LAMA1: variants seen among roughly 807,000 people sequenced by gnomAD.
LAMA1 encodes laminin subunit alpha 1.
In LAMA1, 219 loss-of-function variants were observed where a neutral mutation model predicts 348.7. The ratio of observed to expected loss-of-function variants is 0.63; its 90% CI spans 0.56 to 0.70. The LOEUF is 0.70. Ranked by LOEUF, LAMA1 falls within the 30% of genes least tolerant of loss-of-function variation. The pLI is 0.00. For missense variants in LAMA1, 3,744 were observed against 3,888.0 expected, an observed-to-expected ratio of 0.96 and a Z score of 0.99; for synonymous variants, 1,487 against 1,491.0, an observed-to-expected ratio of 1.00 and a Z score of 0.06.
intron 1 of LAMA1, among the ~76,000 whole-genome samples, chr18:7,112,887 G>A (rs1000498391): frequency 5.3e-5 from 8 of 152,062 alleles, no homozygotes; most frequent in South Asian, 4.2e-4. Flanking sequence ...CACCTGCCTC[G>A]GCCTCCCAAA....
chr18:7,063,600 G>A (rs977107975), intron 3 of LAMA1, among the ~76,000 whole-genome samples: 5 of 152,120 alleles, frequency 3.3e-5, no homozygotes, highest in Non-Finnish European at 7.3e-5. Context: ...AAACAGCCCA[G>A]GTACCCGTTG....
chr18:7,099,166 AC>A (rs546829738), intron 1 of LAMA1, among the ~76,000 whole-genome samples: 1 of 150,482 alleles, frequency 6.6e-6, no homozygotes. Flanking sequence ...CTGTGACCTT[AC>A]CCCCAACCCT....
In LAMA1 at chr18:7,079,972, T is replaced by C; in HGVS notation, c.345+3A>G. Reference sequence around the variant, plus strand: ...ACTCTTCAATGGTTCTGGGCTCACCTACCTGTCTTAAGTCCAGAGTGATTG... The same window carrying C: ...ACTCTTCAATGGTTCTGGGCTCACCCACCTGTCTTAAGTCCAGAGTGATTG... On this transcript the variant is annotated splice_donor_region_variant and intron_variant, in intron 3 of 62. Coordinates refer to ENST00000389658, the MANE Select transcript of LAMA1 (RefSeq NM_005559.4). 6.2e-7 allele frequency: 1 copy of C among 1,605,592 alleles called. No homozygotes were observed. Among genetic ancestry groups the C allele is most frequent in the Non-Finnish European group, 8.5e-7 (1 of 1,172,190 alleles).
chr18:7,113,606 A>G (rs980715552), intron 1 of LAMA1, among the ~76,000 whole-genome samples: 1 of 152,162 alleles, frequency 6.6e-6, no homozygotes, highest in African/African-American at 2.4e-5. Flanking sequence ...TTTAAACAAG[A>G]GTAGGAGCGG....
chr18:7,010,306 G>T lies in LAMA1; in HGVS notation c.3767C>A (p.Pro1256His), dbSNP rs768986205. 5 of 1,614,044 alleles carry T rather than the reference G, an allele frequency of 3.1e-6. No individual in the cohort carries two copies. The African/African-American group carries it at 6.7e-5, about 22-fold the overall frequency. Residue 1256 changes from proline (P) to histidine (H), a missense_variant, in exon 26 of 63, where the codon CCT becomes CAT. This residue lies in a region of LAMA1 where 1,529 missense variants were observed against 1,689.4 expected (regional missense o/e 0.91). Transcript: ENST00000389658. ...CCGACCACCTTTGATGAGAACTTGA[G>T]GCTCAAAATTGGAGGTGCCGACGCC... ...LDGVGTSNFE[P>H]QVLIKGGRIR...
chr18:6,953,473 T>C (rs1173753534), intron 57 of LAMA1, among the ~76,000 whole-genome samples: 2 of 152,212 alleles, frequency 1.3e-5, no homozygotes, highest in Admixed American at 1.3e-4. Context: ...ACAGTGTATA[T>C]GACGTTTAGG....
At chr18:6,953,277 G>A (rs1025606506) in intron 57 of LAMA1, among the ~76,000 whole-genome samples, 5 of 152,272 alleles carry the variant, frequency 3.3e-5, no homozygotes, top group African/African-American at 7.2e-5. Context: ...TTCGCAGATC[G>A]ACTGTGGCAG....
At chr18:6,948,109 A>T (rs191277992) in intron 60 of LAMA1, among the ~76,000 whole-genome samples, 1 of 152,376 alleles carries the variant, frequency 6.6e-6, no homozygotes, top group Admixed American at 6.5e-5. Flanking sequence ...TAACTTGGAC[A>T]GTAAGTGTGC....
rs1131691789 is a variant in LAMA1 at position 6,977,772 on chromosome 18, TG to T, written c.6299del (p.Ser2100Ter). 1.2e-6 allele frequency: 2 copies of T among 1,614,086 alleles called. No individual in the cohort carries two copies. The highest frequency in any genetic ancestry group is 1.7e-6 in the Non-Finnish European group (2 of 1,180,058). ...MLEENLSRNL[S>X]EIKLLISQAR... ...CCTGGCTGATCAACAGTTTAATTTC[TG>T]ATAGGTTTCTGCTCAGATTCTCCTC... On this transcript the variant is annotated frameshift_variant, in exon 44 of 63. Transcript: ENST00000389658. LOFTEE classifies it high-confidence loss of function.
At chr18:7,056,336 A>G (rs929826167) in intron 3 of LAMA1, among the ~76,000 whole-genome samples, 4 of 152,218 alleles carry the variant, frequency 2.6e-5, no homozygotes, top group Non-Finnish European at 1.5e-5. Context: ...GTCATTTACA[A>G]AGACATCTGA....
At chr18:7,069,364 G>A (rs564453614) in intron 3 of LAMA1, among the ~76,000 whole-genome samples, 127 of 152,250 alleles carry the variant, frequency 8.3e-4, no homozygotes, top group African/African-American at 2.9e-3. Flanking sequence ...ACAGGGGTGC[G>A]GCCCCTACAA....
In LAMA1 at chr18:6,965,448, C is replaced by T. The variant is rs777491442; in HGVS notation, c.7051-16G>A. On this transcript the variant is annotated splice_polypyrimidine_tract_variant and intron_variant, in intron 49 of 62. Coordinates refer to ENST00000389658, the MANE Select transcript of LAMA1 (RefSeq NM_005559.4). ...AAAAGTCTTTCTGTAAAAAAGAGAA[C>T]ACAGTTCCCCAGGTTATAGCTTTAT... is the stretch of plus-strand genomic sequence containing the variant. The T allele has an allele frequency of 6.2e-7, 1 of 1,614,048 alleles. No homozygotes were observed. Among genetic ancestry groups the T allele is most frequent in the East Asian group, 2.2e-5 (1 of 44,878 alleles).
intron 1 of LAMA1, among the ~76,000 whole-genome samples, chr18:7,108,777 C>A (rs2058324630): frequency 6.6e-6 from 1 of 151,802 alleles, no homozygotes; most frequent in African/African-American, 2.4e-5. Context: ...CAAAAGTATG[C>A]CCATGAAGCC....
chr18:6,995,852 A>G (rs2057778903), intron 33 of LAMA1, among the ~76,000 whole-genome samples: 1 of 152,208 alleles, frequency 6.6e-6, no homozygotes, highest in Non-Finnish European at 1.5e-5. Context: ...CTAAAAATAA[A>G]GAAAAATAAA....
At chr18:6,963,935 G>C (rs1198349630) in intron 51 of LAMA1, 1 of 152,304 alleles carries the variant, frequency 6.6e-6, no homozygotes, top group Non-Finnish European at 1.5e-5. Context: ...TCTTGATGCT[G>C]GTCTTTCAAC....
chr18:6,974,455 CTT>C lies in LAMA1; in HGVS notation c.6623+446_6623+447del, dbSNP rs1213269695. 6.2e-3 allele frequency among the ~76,000 whole-genome samples: 801 copies of C among 128,230 alleles called. 1 individual carries two copies. Among genetic ancestry groups the C allele is most frequent in the African/African-American group, 0.022 (746 of 34,134 alleles). The allele number at this position is 128,230 out of a possible 152,430, so 84.1% of individuals were successfully genotyped here. On this transcript the variant is annotated intron_variant, in intron 46 of 62. Coordinates refer to ENST00000389658, the MANE Select transcript of LAMA1 (RefSeq NM_005559.4). ...CTTGTAACAAATGCTTATTTCTTTT[CTT>C]TTTTTTTTTTTTTTTTGAGATGGGA...
At position 6,966,198 on chromosome 18, in the gene LAMA1, A is replaced by G; in HGVS notation, c.6999T>C (p.Phe2333=). 6 of 1,614,156 alleles carry G rather than the reference A, an allele frequency of 3.7e-6. No individual in the cohort carries two copies. Among genetic ancestry groups the G allele is most frequent in the South Asian group, 1.1e-5 (1 of 91,052 alleles). ...PATVTQIIML[F]NTFSPNGLLL... ...GAAGTCCATTAGGTGAAAAGGTATTAAAAAGCATGATTATCTGGGTCACGG... is the reference window on the plus strand; with the variant it reads ...GAAGTCCATTAGGTGAAAAGGTATTGAAAAGCATGATTATCTGGGTCACGG... The change falls in exon 49 of 63, where the codon TTT becomes TTC. Residue 2333 remains phenylalanine (F), a synonymous_variant. Coordinates refer to ENST00000389658, the MANE Select transcript of LAMA1 (RefSeq NM_005559.4).
chr18:6,999,344 T>C (rs547068930), intron 32 of LAMA1, 101 bp downstream of exon 32: 21 of 1,110,774 alleles, frequency 1.9e-5, no homozygotes, highest in Admixed American at 1.8e-4. Context: ...TAAAATAGGA[T>C]GTTTTTATTC....
intron 1 of LAMA1, among the ~76,000 whole-genome samples, chr18:7,101,654 G>T (rs1203636184): frequency 2.0e-5 from 3 of 152,106 alleles, no homozygotes; most frequent in Non-Finnish European, 4.4e-5. Flanking sequence ...ACCAAAAAGT[G>T]GATACACGTT....
Sources: allele counts gnomAD v4.1 joint callset (sites outside exome capture counted in the v4.1 genomes callset), GRCh38; gene constraint gnomAD v4.1.1; regional missense constraint gnomAD v4.1.1; transcripts MANE v1.5; gene names NCBI Gene and HGNC (gene_info 2026-07-23, HGNC 2026-07-21).